The following NDUFAF2 variants were observed in gnomAD, a reference collection of about 807,000 sequenced individuals.
NDUFAF2 encodes NADH dehydrogenase [ubiquinone] 1 alpha subcomplex assembly factor 2.
A neutral mutation model predicts 22.8 loss-of-function variants in NDUFAF2; 13 were observed. The ratio of observed to expected loss-of-function variants is 0.57; its 90% CI spans 0.37 to 0.91. The LOEUF is 0.91. Among genes scored for constraint, NDUFAF2 ranks in the 40% least tolerant of loss-of-function variants. The pLI, the probability that NDUFAF2 is intolerant of heterozygous loss-of-function variation, is 0.01. For missense variants in NDUFAF2, 162 were observed against 195.2 expected, an observed-to-expected ratio of 0.83 and a Z score of 1.01; for synonymous variants, 53 against 64.2, an observed-to-expected ratio of 0.83 and a Z score of 0.84.
At chr5:61,105,674 C>A (rs1450405948) in intron 3 of NDUFAF2, among the ~76,000 whole-genome samples, 1 of 145,854 alleles carries the variant, frequency 6.9e-6, no homozygotes, top group East Asian at 2.0e-4. Context: ...TACAATATAC[C>A]ATTTACATAA....
rs111929519 is a variant in NDUFAF2 at position 60,988,368 on chromosome 5, C to T, written c.127+42986C>T. Among the ~76,000 whole-genome samples the T allele has an allele frequency of 2.4e-3, 371 of 152,118 alleles. 8 individuals are homozygous for T. The highest frequency in any genetic ancestry group is 8.6e-3 in the African/African-American group (358 of 41,512). ...TGGCCATACTCCTCAACACAATTTG[C>T]GATTCAGTGTGATTCTAATCAAACT... On this transcript the variant is annotated intron_variant, in intron 1 of 3. Transcript: ENST00000296597.
At chr5:61,053,927 A>C (rs1043548857) in intron 1 of NDUFAF2, among the ~76,000 whole-genome samples, 1 of 152,216 alleles carries the variant, frequency 6.6e-6, no homozygotes, top group Non-Finnish European at 1.5e-5. Flanking sequence ...GAACTTTAAA[A>C]AACAATTAAA....
intron 1 of NDUFAF2, among the ~76,000 whole-genome samples, chr5:61,059,951 C>T (rs1752143760): frequency 6.6e-6 from 1 of 152,148 alleles, no homozygotes; most frequent in African/African-American, 2.4e-5. Context: ...AATTGGGTAT[C>T]TGTAATAATA....
chr5:61,091,691 C>G (rs537338382), intron 2 of NDUFAF2, among the ~76,000 whole-genome samples: 1 of 152,108 alleles, frequency 6.6e-6, no homozygotes, highest in African/African-American at 2.4e-5. Flanking sequence ...TTCCATTTGT[C>G]CATTTTTGCT....
At chr5:61,056,293 A>G (rs1752086359) in intron 1 of NDUFAF2, among the ~76,000 whole-genome samples, 1 of 152,184 alleles carries the variant, frequency 6.6e-6, no homozygotes, top group Admixed American at 6.5e-5. Context: ...ACCATGTGGC[A>G]TATCTTACTA....
intron 1 of NDUFAF2, among the ~76,000 whole-genome samples, chr5:61,044,061 G>C (rs1751917050): frequency 6.6e-6 from 1 of 152,018 alleles, no homozygotes; most frequent in African/African-American, 2.4e-5. Flanking sequence ...CAGGTGTAAG[G>C]TGATATCTCA....
intron 1 of NDUFAF2, among the ~76,000 whole-genome samples, chr5:61,056,888 CCAAAAA>C (rs1752098650): frequency 3.8e-5 from 1 of 26,432 alleles, no homozygotes; most frequent in Non-Finnish European, 5.4e-5. Flanking sequence ...CACTCTGTCT[CCAAAAA>C]AAAAAAAAAA....
At chr5:61,122,591 C>A (rs1752989429) in intron 3 of NDUFAF2, among the ~76,000 whole-genome samples, 5 of 152,080 alleles carry the variant, frequency 3.3e-5, no homozygotes, top group Admixed American at 3.3e-4. Flanking sequence ...GTGAAATTTT[C>A]TTCTATGTTT....
chr5:61,119,174 G>C (rs188822807), intron 3 of NDUFAF2, among the ~76,000 whole-genome samples: 18 of 152,252 alleles, frequency 1.2e-4, no homozygotes, highest in Admixed American at 3.9e-4. Context: ...TGTGCATACA[G>C]AACGAATCAG....
chr5:61,094,039 T>C (rs536979262), intron 2 of NDUFAF2, among the ~76,000 whole-genome samples: 1 of 152,326 alleles, frequency 6.6e-6, no homozygotes, highest in African/African-American at 2.4e-5. Context: ...CTTTCTAGTT[T>C]ATGTGGATAA....
intron 3 of NDUFAF2, among the ~76,000 whole-genome samples, chr5:61,141,169 G>A (rs1454841424): frequency 1.3e-5 from 2 of 151,612 alleles, no homozygotes; most frequent in African/African-American, 4.9e-5. Context: ...GGAGGTTAAA[G>A]TGAGCCAAGA....
intron 3 of NDUFAF2, among the ~76,000 whole-genome samples, chr5:61,148,016 C>T (rs573730454): frequency 4.8e-4 from 73 of 152,284 alleles, no homozygotes; most frequent in African/African-American, 1.5e-3. Context: ...AGTTTCACCG[C>T]GCACATGGAC....
At chr5:61,048,941 A>G (rs561981238) in intron 1 of NDUFAF2, among the ~76,000 whole-genome samples, 1 of 152,124 alleles carries the variant, frequency 6.6e-6, no homozygotes, top group African/African-American at 2.4e-5. Flanking sequence ...CTGCGTGGTT[A>G]TGTCTCGTTG....
intron 1 of NDUFAF2, among the ~76,000 whole-genome samples, chr5:60,986,658 T>C (rs1271113078): frequency 6.6e-6 from 1 of 151,950 alleles, no homozygotes; most frequent in Non-Finnish European, 1.5e-5. Flanking sequence ...TGGCCAGGCA[T>C]GGTGGCTCAT....
intron 1 of NDUFAF2, among the ~76,000 whole-genome samples, chr5:61,022,556 C>T (rs923524195): frequency 6.6e-6 from 1 of 152,146 alleles, no homozygotes; most frequent in Non-Finnish European, 1.5e-5. Context: ...ATTATCTTTT[C>T]TTTGTAGATA....
chr5:61,005,669 T>G (rs1032571031), intron 1 of NDUFAF2, among the ~76,000 whole-genome samples: 1 of 152,252 alleles, frequency 6.6e-6, no homozygotes, highest in African/African-American at 2.4e-5. Context: ...GGTTTTGATT[T>G]GCATTTGTCT....
chr5:61,084,478 C>T (rs1752482036), intron 2 of NDUFAF2, among the ~76,000 whole-genome samples: 1 of 152,160 alleles, frequency 6.6e-6, no homozygotes, highest in African/African-American at 2.4e-5. Flanking sequence ...TCCATTTCCT[C>T]CTTTCTCCCA....
intron 1 of NDUFAF2, among the ~76,000 whole-genome samples, chr5:61,040,300 G>C (rs546654553): frequency 3.4e-5 from 5 of 149,100 alleles, no homozygotes; most frequent in Admixed American, 6.7e-5. Flanking sequence ...GCGCGCGCGC[G>C]CGAAAGTTGA....
intron 3 of NDUFAF2, among the ~76,000 whole-genome samples, chr5:61,121,255 A>G (rs1019981306): frequency 2.6e-5 from 4 of 152,170 alleles, no homozygotes; most frequent in Admixed American, 6.5e-5. Flanking sequence ...GTTCAAATGT[A>G]CTCAATTTCC....
Sources: allele counts gnomAD v4.1 joint callset (sites outside exome capture counted in the v4.1 genomes callset), GRCh38; gene constraint gnomAD v4.1.1; transcripts MANE v1.5; gene names NCBI Gene and HGNC (gene_info 2026-07-23, HGNC 2026-07-21).